The following KLHL14 variants were observed in gnomAD, a reference collection of about 807,000 sequenced individuals.
KLHL14 encodes kelch like family member 14.
In KLHL14, 22 loss-of-function variants were observed where a neutral mutation model predicts 64.3. The observed-to-expected ratio is 0.34, with a 90% CI of 0.24 to 0.49. KLHL14 has a LOEUF of 0.49. Ranked by LOEUF, KLHL14 falls within the 20% of genes least tolerant of loss-of-function variation. KLHL14 has a pLI of 0.99. For missense variants in KLHL14, 661 were observed against 789.0 expected, an observed-to-expected ratio of 0.84 and a Z score of 1.94; for synonymous variants, 322 against 333.4, an observed-to-expected ratio of 0.97 and a Z score of 0.37.
At chr18:32,705,039 G>A (rs1264585420) in intron 3 of KLHL14, among the ~76,000 whole-genome samples, 2 of 152,334 alleles carry the variant, frequency 1.3e-5, no homozygotes, top group East Asian at 1.9e-4. Context: ...AGCAGTAAAT[G>A]TCATTACTGG....
intron 3 of KLHL14, among the ~76,000 whole-genome samples, chr18:32,706,122 C>T (rs753556741): frequency 1.3e-5 from 2 of 152,202 alleles, no homozygotes; most frequent in Non-Finnish European, 2.9e-5. Flanking sequence ...TGCAAAGATT[C>T]AGAAGAATCT....
intron 3 of KLHL14, among the ~76,000 whole-genome samples, chr18:32,704,614 TG>T (rs1016094360): frequency 6.6e-6 from 1 of 151,912 alleles, no homozygotes; most frequent in East Asian, 1.9e-4. Flanking sequence ...CCCAGCTACT[TG>T]GGGGGCTGGG....
chr18:32,675,966 C>T (rs1183486120), intron 8 of KLHL14, among the ~76,000 whole-genome samples: 1 of 152,034 alleles, frequency 6.6e-6, no homozygotes, highest in Non-Finnish European at 1.5e-5. Context: ...ATTAAAACCA[C>T]CAAATTAATC....
chr18:32,702,755 GA>G (rs1329646917), intron 3 of KLHL14, among the ~76,000 whole-genome samples: 4 of 152,102 alleles, frequency 2.6e-5, no homozygotes, highest in Non-Finnish European at 2.9e-5. Context: ...TTTATGGTCA[GA>G]ATCCAGTTAT....
intron 8 of KLHL14, among the ~76,000 whole-genome samples, chr18:32,675,580 A>G (rs2049807583): frequency 6.6e-6 from 1 of 152,180 alleles, no homozygotes. Flanking sequence ...ACTTTCTCAT[A>G]TATTGATTTA....
At position 32,768,932 on chromosome 18, in the gene KLHL14, G is replaced by A. The variant is rs1405949247; in HGVS notation, c.947+713C>T. 2.0e-5 allele frequency among the ~76,000 whole-genome samples: 3 copies of A among 152,270 alleles called. No individual in the cohort carries two copies. The East Asian group carries it at 5.8e-4, about 29-fold the overall frequency. On this transcript the variant is annotated intron_variant, in intron 2 of 8. Coordinates refer to ENST00000359358, the MANE Select transcript of KLHL14 (RefSeq NM_020805.3). The stretch of plus-strand genomic sequence containing the variant: ...TTTCAAGTGCACTCTTCTCAGAAAT[G>A]GGAGTTGCTAGGCAAGATTCACCCC...
rs986679930 is a variant in KLHL14 at position 32,770,863 on chromosome 18, G to C, written c.-43-229C>G. On this transcript the variant is annotated intron_variant, in intron 1 of 8. Transcript: ENST00000359358. The surrounding 1 kb of genome is among the most constrained non-coding windows in gnomAD (Gnocchi z 6.7). Reference sequence around the variant, plus strand: ...GGGCCCTGTCTGGGGTCCCGGCGCCGGTTCTGCGCCCTGCGGCTCCTCTCG... The same window carrying C: ...GGGCCCTGTCTGGGGTCCCGGCGCCCGTTCTGCGCCCTGCGGCTCCTCTCG... 1 of 471,108 alleles carries C rather than the reference G, an allele frequency of 2.1e-6. No homozygotes were observed. The highest frequency in any genetic ancestry group is 3.6e-5 in the East Asian group (1 of 27,564). The allele number at this position is 471,108 out of a possible 1,614,324, so 29.2% of individuals were successfully genotyped here.
chr18:32,729,269 A>G (rs920923360), intron 3 of KLHL14, among the ~76,000 whole-genome samples: 3 of 152,174 alleles, frequency 2.0e-5, no homozygotes, highest in Admixed American at 6.5e-5. Context: ...CTCTGTGGGA[A>G]TGTGAACTCT....
chr18:32,752,732 C>T (rs2050261357), intron 2 of KLHL14, among the ~76,000 whole-genome samples: 3 of 150,730 alleles, frequency 2.0e-5, no homozygotes, highest in Admixed American at 1.3e-4. Context: ...TAAAAAAATG[C>T]TTCCTTAAAA....
At chr18:32,690,378 G>T (rs1270580006) in intron 4 of KLHL14, among the ~76,000 whole-genome samples, 3 of 152,146 alleles carry the variant, frequency 2.0e-5, no homozygotes, top group African/African-American at 7.2e-5. Context: ...GTGGGGGAAG[G>T]AGATATACAC....
At chr18:32,730,841 T>C (rs1278418402) in intron 3 of KLHL14, among the ~76,000 whole-genome samples, 1 of 152,168 alleles carries the variant, frequency 6.6e-6, no homozygotes, top group African/African-American at 2.4e-5. Flanking sequence ...CTCAATGTTT[T>C]AAAAAAATAA....
chr18:32,738,988 G>A (rs977984908), intron 3 of KLHL14, among the ~76,000 whole-genome samples: 1 of 151,776 alleles, frequency 6.6e-6, no homozygotes, highest in African/African-American at 2.4e-5. Context: ...CTGTAGGCTG[G>A]CCTCTTTCTA....
intron 3 of KLHL14, among the ~76,000 whole-genome samples, 158 bp downstream of exon 3, chr18:32,741,770 T>C (rs2050199584): frequency 6.6e-6 from 1 of 152,138 alleles, no homozygotes; most frequent in Non-Finnish European, 1.5e-5. Flanking sequence ...GTTAATTTAG[T>C]TTTTTACTCT....
At chr18:32,685,334 T>C (rs183575576) in intron 5 of KLHL14, among the ~76,000 whole-genome samples, 2 of 152,304 alleles carry the variant, frequency 1.3e-5, no homozygotes, top group East Asian at 3.9e-4. Flanking sequence ...GGCTCTACAG[T>C]GGGATAATTG....
At chr18:32,766,356 C>T (rs2050344278) in intron 2 of KLHL14, among the ~76,000 whole-genome samples, 2 of 151,964 alleles carry the variant, frequency 1.3e-5, no homozygotes, top group Admixed American at 1.3e-4. Flanking sequence ...ATTTAATATA[C>T]TAAACACTGC....
At position 32,674,683 on chromosome 18, in the gene KLHL14, G is replaced by A. The variant is rs994565216; in HGVS notation, c.1861C>T (p.Pro621Ser). The change falls in exon 9 of 9, where the codon CCC becomes TCC. Residue 621 changes from proline (P) to serine (S), a missense_variant. By Grantham distance (74) the Pro-to-Ser change is moderately conservative (BLOSUM62 -1). Coordinates refer to ENST00000359358, the MANE Select transcript of KLHL14 (RefSeq NM_020805.3). ...TATTTGTTGTATGGTACACAAGAGG[G>A]CAGAATAACTGTCACACAGGCAGGG... ...AGPACVTVIL[P>S]SCVPYNK 1 of 780,904 alleles carries A rather than the reference G, an allele frequency of 1.3e-6. No homozygotes were observed. The highest frequency in any genetic ancestry group is 2.4e-6 in the Non-Finnish European group (1 of 418,016). The allele number at this position is 780,904 out of a possible 1,614,324, so 48.4% of individuals were successfully genotyped here. A position where few individuals can be genotyped will look rare whatever the true frequency, so the allele number is the denominator to read the frequency against.
chr18:32,741,450 G>C (rs919184932), intron 3 of KLHL14, among the ~76,000 whole-genome samples: 1 of 152,048 alleles, frequency 6.6e-6, no homozygotes, highest in Non-Finnish European at 1.5e-5. Context: ...CAGTATAAGG[G>C]GACATTTCTC....
intron 3 of KLHL14, among the ~76,000 whole-genome samples, chr18:32,719,611 C>T (rs952311835): frequency 1.3e-5 from 2 of 152,228 alleles, no homozygotes; most frequent in Non-Finnish European, 2.9e-5. Context: ...TTAAGCTGCT[C>T]TTGTCGTTTA....
chr18:32,758,449 A>G (rs565802451), intron 2 of KLHL14, among the ~76,000 whole-genome samples: 9 of 152,336 alleles, frequency 5.9e-5, no homozygotes, highest in South Asian at 4.1e-4. Flanking sequence ...ATGTGGAGCA[A>G]TTGGAACTGT....
Sources: gnomAD v4.1 joint callset for allele counts (sites outside exome capture counted in the v4.1 genomes callset) on GRCh38, gnomAD v4.1.1 for gene constraint, Gnocchi (gnomAD v3.1) non-coding constraint, MANE v1.5 for transcripts, NCBI Gene and HGNC (gene_info 2026-07-23, HGNC 2026-07-21) for gene names.